NCBP1: variants seen among roughly 807,000 people sequenced by gnomAD.
NCBP1 encodes nuclear cap-binding protein subunit 1.
In NCBP1, 16 loss-of-function variants were observed where a neutral mutation model predicts 111.7. The observed-to-expected ratio is 0.14, with a 90% CI of 0.10 to 0.22. The LOEUF is 0.22. Among genes scored for constraint, NCBP1 ranks in the 10% least tolerant of loss-of-function variants. The pLI, the probability that NCBP1 is intolerant of heterozygous loss-of-function variation, is 1.00. For synonymous variants in NCBP1, 304 were observed against 314.3 expected (o/e 0.97, Z 0.35); for missense variants, 607 against 957.5 (o/e 0.63, Z 4.83).
At chr9:97,649,604 A>G (rs1020922050) in intron 8 of NCBP1, among the ~76,000 whole-genome samples, 2 of 152,266 alleles carry the variant, frequency 1.3e-5, no homozygotes, top group Non-Finnish European at 2.9e-5. Flanking sequence ...ATACAAAATT[A>G]TCAGCTTGCT....
intron 1 of NCBP1, among the ~76,000 whole-genome samples, chr9:97,636,410 G>A (rs926177120): frequency 6.7e-5 from 10 of 149,238 alleles, no homozygotes. Flanking sequence ...CTGACTTTCC[G>A]TATGCTTGAC....
intron 13 of NCBP1, 61 bp from the exon 14 acceptor site, chr9:97,655,950 T>C (rs1827639852): frequency 6.7e-7 from 1 of 1,486,370 alleles, no homozygotes; most frequent in Admixed American, 1.8e-5. Flanking sequence ...ATAATTATAG[T>C]ACAAATGGGT....
chr9:97,645,701 C>T lies in NCBP1; in HGVS notation c.580C>T (p.Arg194Cys), dbSNP rs144152800. The T allele has an allele frequency of 1.7e-5, 27 of 1,613,736 alleles. No individual in the cohort carries two copies. Among genetic ancestry groups the T allele is most frequent in the Non-Finnish European group, 2.0e-5 (24 of 1,179,854 alleles). ...LYEKKDAEMD[R>C]IFANTESYLK... ...CGAAAAGAAAGATGCAGAGATGGAC[C>T]GCATCTTTGCCAACACTGAAAGCTA... The change falls in exon 6 of 23, where the codon CGC (arginine) becomes TGC (cysteine). Residue 194 changes from arginine to cysteine, a missense_variant. Physicochemically the swap from Arg to Cys is radical, Grantham distance 180. Around this residue, in one of 9 missense-constraint regions of NCBP1, gnomAD observed 185 missense variants for 272.0 expected, o/e 0.68. Coordinates refer to ENST00000375147, the MANE Select transcript of NCBP1 (RefSeq NM_002486.5).
At chr9:97,661,203 C>A in intron 16 of NCBP1, 135 bp downstream of exon 16, 2 of 996,222 alleles carry the variant, frequency 2.0e-6, no homozygotes, top group East Asian at 2.9e-5. Flanking sequence ...TTGTTCTTAG[C>A]ACCCCAGGTA....
At chr9:97,656,537 C>T (rs764361653) in intron 14 of NCBP1, among the ~76,000 whole-genome samples, 3 of 151,892 alleles carry the variant, frequency 2.0e-5, no homozygotes, top group African/African-American at 7.3e-5. Context: ...GCCGACAGAG[C>T]GACACTCTTA....
At chr9:97,637,270 G>A (rs1827070302) in intron 1 of NCBP1, among the ~76,000 whole-genome samples, 1 of 152,160 alleles carries the variant, frequency 6.6e-6, no homozygotes, top group Non-Finnish European at 1.5e-5. Flanking sequence ...AATGCTAAAT[G>A]GAAAGTAATG....
rs754261152 is a variant in NCBP1, at chr9:97,662,189, T to C, written c.1703+45T>C. Reference sequence around the variant, plus strand: ...CTTGCTTGAGAGTTTGGAATTTTGCTTGGTGAACACCAGTGGTATGGTAAT... The same window carrying C: ...CTTGCTTGAGAGTTTGGAATTTTGCCTGGTGAACACCAGTGGTATGGTAAT... On this transcript the variant is annotated intron_variant, in intron 17 of 22. Coordinates refer to ENST00000375147, the MANE Select transcript of NCBP1 (RefSeq NM_002486.5). The C allele has an allele frequency of 4.7e-5, 66 of 1,393,054 alleles. No homozygotes were observed. The Admixed American group carries it at 1.0e-3, about 22-fold the overall frequency. The allele number at this position is 1,393,054 out of a possible 1,614,324, so 86.3% of individuals were successfully genotyped here. A position where few individuals can be genotyped will look rare whatever the true frequency, so the allele number is the denominator to read the frequency against.
chr9:97,662,749 T>G (rs746402925), intron 17 of NCBP1, among the ~76,000 whole-genome samples: 1 of 152,262 alleles, frequency 6.6e-6, no homozygotes, highest in African/African-American at 2.4e-5. Context: ...CGGTAGTATA[T>G]TGTAAATGTC....
At position 97,658,761 on chromosome 9, in the gene NCBP1, TC is replaced by T. The variant is rs1236834875; in HGVS notation, c.1477+21del. The T allele has an allele frequency of 6.5e-7, 1 of 1,526,922 alleles. No individual in the cohort carries two copies. Among genetic ancestry groups the T allele is most frequent in the Admixed American group, 1.7e-5 (1 of 59,874 alleles). 94.6% of individuals were successfully genotyped at this position (1,526,922 alleles called of 1,614,324 possible). Reference sequence around the variant, plus strand: ...AAGTAGCAGTAAGTAATGAAACTAATCCCTCTGTCTTTAAAAGGTACCAGTT... The same window carrying T: ...AAGTAGCAGTAAGTAATGAAACTAATCCTCTGTCTTTAAAAGGTACCAGTT... On this transcript the variant is annotated intron_variant, in intron 15 of 22. Transcript: ENST00000375147.
intron 11 of NCBP1, 79 bp from the exon 12 acceptor site, chr9:97,654,801 T>C: frequency 8.3e-7 from 1 of 1,210,454 alleles, no homozygotes. Flanking sequence ...AGACTTGAAA[T>C]GTTTTATTTC....
At position 97,655,682 on chromosome 9, in the gene NCBP1, C is replaced by T; in HGVS notation, c.1236-20C>T. Reference sequence around the variant, plus strand: ...GTTATTCTTCCTTTTTCTCTGCCTACCTCCCCCTTCTCTACGTAGGTTTAT... The same window carrying T: ...GTTATTCTTCCTTTTTCTCTGCCTATCTCCCCCTTCTCTACGTAGGTTTAT... On this transcript the variant is annotated intron_variant, in intron 12 of 22. Coordinates refer to ENST00000375147, the MANE Select transcript of NCBP1 (RefSeq NM_002486.5). The T allele has an allele frequency of 1.9e-6, 3 of 1,590,740 alleles. No homozygotes were observed. The highest frequency in any genetic ancestry group is 1.4e-5 in the African/African-American group (1 of 73,758).
intron 6 of NCBP1, among the ~76,000 whole-genome samples, chr9:97,647,181 A>G (rs1281171581): frequency 5.3e-5 from 8 of 152,164 alleles, no homozygotes; most frequent in Non-Finnish European, 1.0e-4. Context: ...GGGGATATAA[A>G]TTTTTAGAAA....
At position 97,647,486 on chromosome 9, in the gene NCBP1, C is replaced by T. The variant is rs1338474054; in HGVS notation, c.612-6C>T. The T allele has an allele frequency of 1.2e-6, 2 of 1,607,982 alleles. No individual in the cohort carries two copies. Among genetic ancestry groups the T allele is most frequent in the Non-Finnish European group, 8.5e-7 (1 of 1,175,430 alleles). ...CCTAAATGTAGATTTTCATTTTTAT[C>T]TTTAGAAGACGCCAAAAGACTCATG... is the stretch of plus-strand genomic sequence containing the variant. On this transcript the variant is annotated splice_polypyrimidine_tract_variant and splice_region_variant and intron_variant, in intron 6 of 22. Coordinates refer to ENST00000375147, the MANE Select transcript of NCBP1 (RefSeq NM_002486.5).
chr9:97,634,017 G>A (rs1033730038), intron 1 of NCBP1, 102 bp downstream of exon 1: 2 of 1,340,044 alleles, frequency 1.5e-6, no homozygotes, highest in Non-Finnish European at 2.0e-6. Context: ...TTCTCCCCGG[G>A]AACGTGCGGG....
rs370231054 is a variant in NCBP1 at position 97,662,836 on chromosome 9, A to G, written c.1704-118A>G. 914 of 715,346 alleles carry G rather than the reference A, an allele frequency of 1.3e-3. 10 individuals are homozygous for G. The highest frequency in any genetic ancestry group is 0.011 in the African/African-American group (592 of 55,470). 44.3% of individuals were successfully genotyped at this position (715,346 alleles called of 1,614,324 possible). ...TTTGCATCCTTAATGGTTAATACTTAGTTATTTTGCATTTATATATTGCAT... is the reference window on the plus strand; with the variant it reads ...TTTGCATCCTTAATGGTTAATACTTGGTTATTTTGCATTTATATATTGCAT... On this transcript the variant is annotated intron_variant, in intron 17 of 22. Transcript: ENST00000375147.
chr9:97,636,667 TATATATAA>T (rs1257328317), intron 1 of NCBP1, among the ~76,000 whole-genome samples: 1 of 134,208 alleles, frequency 7.5e-6, no homozygotes, highest in East Asian at 2.1e-4. Context: ...TATATATATA[TATATATAA>T]AATCATTTAT....
intron 1 of NCBP1, among the ~76,000 whole-genome samples, chr9:97,639,294 C>T (rs145184648): frequency 5.3e-5 from 8 of 152,270 alleles, no homozygotes; most frequent in African/African-American, 1.9e-4. Context: ...AATACCCCCC[C>T]TCAGATCCTA....
In NCBP1 at chr9:97,672,386, A is replaced by G. The variant is rs1828218765; in HGVS notation, c.*1187A>G. 6.6e-6 allele frequency: 1 copy of G among 152,204 alleles called. No individual in the cohort carries two copies. Among genetic ancestry groups the G allele is most frequent in the African/African-American group, 2.4e-5 (1 of 41,446 alleles). 9.4% of individuals were successfully genotyped at this position (152,204 alleles called of 1,614,324 possible). ...TGATATATTTTTGCTTTGGTTTACCATACATTTTAGTGGCTACAGAATGTA... is the reference window on the plus strand; with the variant it reads ...TGATATATTTTTGCTTTGGTTTACCGTACATTTTAGTGGCTACAGAATGTA... On this transcript the variant is annotated 3_prime_UTR_variant, in exon 23 of 23. Transcript: ENST00000375147.
intron 19 of NCBP1, among the ~76,000 whole-genome samples, chr9:97,666,408 A>G (rs914655561): frequency 6.6e-6 from 1 of 152,182 alleles, no homozygotes; most frequent in Admixed American, 6.6e-5. Context: ...TCTACACATA[A>G]TGTTTACATT....
Sources: gnomAD v4.1 joint callset for allele counts (sites outside exome capture counted in the v4.1 genomes callset) on GRCh38, gnomAD v4.1.1 for gene constraint, gnomAD v4.1.1 regional missense constraint, MANE v1.5 for transcripts, NCBI Gene and HGNC (gene_info 2026-07-23, HGNC 2026-07-21) for gene names.